The following SERINC5 variants were observed in gnomAD, a reference collection of about 807,000 sequenced individuals.
SERINC5 encodes chromosome 5 open reading frame 12.
SERINC5 carries 41 observed loss-of-function variants against 63.1 expected under a neutral mutation model. The observed-to-expected ratio is 0.65, with a 90% CI of 0.51 to 0.84. SERINC5 has a LOEUF of 0.84. Ranked by LOEUF, SERINC5 falls within the 40% of genes least tolerant of loss-of-function variation. The pLI, the probability that SERINC5 is intolerant of heterozygous loss-of-function variation, is 0.00. For missense variants in SERINC5, 523 were observed against 573.0 expected (o/e 0.91, Z 0.89); for synonymous variants, 222 against 215.2 (o/e 1.03, Z -0.28).
intron 7 of SERINC5, among the ~76,000 whole-genome samples, chr5:80,161,053 T>C (rs1746889937): frequency 6.6e-6 from 1 of 151,404 alleles, no homozygotes; most frequent in Non-Finnish European, 1.5e-5. Context: ...TATATATGTA[T>C]GTATGTATAT....
chr5:80,124,214 C>T (rs1261277153), intron 11 of SERINC5, among the ~76,000 whole-genome samples: 6 of 152,150 alleles, frequency 3.9e-5, no homozygotes, highest in Non-Finnish European at 8.8e-5. Context: ...TAATTTTTGC[C>T]CCTACCTCCA....
chr5:80,220,220 T>A (rs140212726), intron 1 of SERINC5, among the ~76,000 whole-genome samples: 18 of 79,074 alleles, frequency 2.3e-4, no homozygotes, highest in African/African-American at 1.6e-4. Context: ...TAAATAAAAA[T>A]AAAAAAAAAA....
At chr5:80,255,142 T>G (rs909001927) in intron 1 of SERINC5, 1 of 152,234 alleles carries the variant, frequency 6.6e-6, no homozygotes, top group Non-Finnish European at 1.5e-5. Flanking sequence ...GGCTAAGACG[T>G]ACTAATTCTA....
At chr5:80,255,178 CAT>C (rs1216495567) in intron 1 of SERINC5, 1 of 152,222 alleles carries the variant, frequency 6.6e-6, no homozygotes, top group South Asian at 2.1e-4. Flanking sequence ...TGGTAGGAGA[CAT>C]AATGTTTTAA....
intron 1 of SERINC5, among the ~76,000 whole-genome samples, chr5:80,220,942 T>A (rs1187404119): frequency 2.0e-5 from 3 of 151,762 alleles, no homozygotes; most frequent in Non-Finnish European, 4.4e-5. Flanking sequence ...TTGAGCAGCG[T>A]GGATGAGGGA....
intron 4 of SERINC5, 59 bp downstream of exon 4, chr5:80,177,256 C>T (rs942437064): frequency 8.0e-6 from 10 of 1,252,054 alleles, no homozygotes; most frequent in African/African-American, 1.5e-5. Flanking sequence ...CGCTTCTGAG[C>T]AATTTGACAA....
intron 1 of SERINC5, among the ~76,000 whole-genome samples, chr5:80,245,790 T>G (rs1054446927): frequency 2.0e-5 from 3 of 151,752 alleles, no homozygotes; most frequent in Non-Finnish European, 4.4e-5. Flanking sequence ...AATTTTTGTA[T>G]TTTTAGTAGA....
chr5:80,197,351 G>T (rs1032087225), intron 2 of SERINC5, among the ~76,000 whole-genome samples: 2 of 48,432 alleles, frequency 4.1e-5, no homozygotes, highest in African/African-American at 1.7e-4. Context: ...GAGAGAGAGA[G>T]AGAGAGAGAG....
chr5:80,120,476 C>G (rs902257018), intron 11 of SERINC5, among the ~76,000 whole-genome samples: 1 of 152,082 alleles, frequency 6.6e-6, no homozygotes, highest in South Asian at 2.1e-4. Flanking sequence ...CTTCTGCAAA[C>G]GAGAAATAAG....
At position 80,139,181 on chromosome 5, in the gene SERINC5, T is replaced by C. The variant is rs1458875841; in HGVS notation, c.*4482A>G. ...GCTACAGCTAATCGTTTCAGAAAAG[T>C]TTAAAAAATTAGCAAAGTTATATCT... is the stretch of plus-strand genomic sequence containing the variant. On this transcript the variant is annotated 3_prime_UTR_variant, in exon 12 of 12. Coordinates refer to ENST00000507668, the MANE Select transcript of SERINC5 (RefSeq NM_001174072.3). 5 of 984,164 alleles carry C rather than the reference T, an allele frequency of 5.1e-6. No homozygotes were observed. The highest frequency in any genetic ancestry group is 6.0e-6 in the Non-Finnish European group (5 of 828,916). The allele number at this position is 984,164 out of a possible 1,614,324, so 61.0% of individuals were successfully genotyped here.
chr5:80,252,052 CTTTT>C, intron 1 of SERINC5, among the ~76,000 whole-genome samples: 1 of 135,474 alleles, frequency 7.4e-6, no homozygotes, highest in African/African-American at 2.7e-5. Flanking sequence ...ATTTTCTTTT[CTTTT>C]CCTTTTTTTT....
intron 1 of SERINC5, among the ~76,000 whole-genome samples, chr5:80,205,472 TAATG>T (rs1750109786): frequency 6.6e-6 from 1 of 152,032 alleles, no homozygotes; most frequent in African/African-American, 2.4e-5. Flanking sequence ...TTGTAGGAAA[TAATG>T]AGAGTATGTA....
chr5:80,243,221 A>G (rs1198907173), intron 1 of SERINC5, among the ~76,000 whole-genome samples: 1 of 152,168 alleles, frequency 6.6e-6, no homozygotes, highest in Non-Finnish European at 1.5e-5. Context: ...CTAATTCCCT[A>G]TAGTAAATCT....
intron 2 of SERINC5, among the ~76,000 whole-genome samples, chr5:80,197,244 G>C (rs368493807): frequency 1.6e-4 from 25 of 151,938 alleles, no homozygotes; most frequent in African/African-American, 6.0e-4. Flanking sequence ...AGCTACTCGG[G>C]AGGCTGAAGC....
At chr5:80,249,958 T>C (rs538033613) in intron 1 of SERINC5, among the ~76,000 whole-genome samples, 77 of 152,178 alleles carry the variant, frequency 5.1e-4, no homozygotes, top group Non-Finnish European at 1.0e-3. Flanking sequence ...ATGGAAATAA[T>C]GAATTTTTGT....
At position 80,114,569 on chromosome 5, in the gene SERINC5, G is replaced by A. The variant is rs6873707; in HGVS notation, c.1239-944C>T. On this transcript the variant is annotated intron_variant, in intron 11 of 12. Transcript: ENST00000509193. Reference sequence around the variant, plus strand: ...CTTGGGAGGCTGAGGCAAGAGAATCGCTTGACATCTGGGAGGTGGAGGTTG... The same window carrying A: ...CTTGGGAGGCTGAGGCAAGAGAATCACTTGACATCTGGGAGGTGGAGGTTG... The A allele has an allele frequency of 2.0e-3, 346 of 174,392 alleles. 3 individuals are homozygous for A. The highest frequency in any genetic ancestry group is 7.7e-3 in the African/African-American group (316 of 40,984). The allele number at this position is 174,392 out of a possible 1,614,324, so 10.8% of individuals were successfully genotyped here.
downstream of SERINC5, among the ~76,000 whole-genome samples, chr5:80,137,158 A>AAC (rs1554058510): frequency 9.5e-6 from 1 of 104,818 alleles, no homozygotes; most frequent in Non-Finnish European, 2.1e-5. Context: ...AAAAAAAAAA[A>AAC]AAAAACAAAA....
chr5:80,142,190 G>A lies in SERINC5; in HGVS notation c.*1473C>T. On this transcript the variant is annotated 3_prime_UTR_variant, in exon 12 of 12. Transcript: ENST00000507668. ...TTTCCACCAAGTAAACCTTTTCCCTGCCTGAATACATCAACACTGAAAATA... is the reference window on the plus strand; with the variant it reads ...TTTCCACCAAGTAAACCTTTTCCCTACCTGAATACATCAACACTGAAAATA... 3.0e-6 allele frequency: 3 copies of A among 985,304 alleles called. No individual in the cohort carries two copies. The highest frequency in any genetic ancestry group is 3.6e-6 in the Non-Finnish European group (3 of 829,878). The allele number at this position is 985,304 out of a possible 1,614,324, so 61.0% of individuals were successfully genotyped here.
intron 1 of SERINC5, among the ~76,000 whole-genome samples, chr5:80,236,527 C>CTT (rs770470139): frequency 5.0e-4 from 72 of 143,700 alleles, no homozygotes; most frequent in African/African-American, 1.4e-3. Context: ...AGTCCTAAAT[C>CTT]TTTTTTTTTT....
Sources: allele counts gnomAD v4.1 joint callset (sites outside exome capture counted in the v4.1 genomes callset), GRCh38; gene constraint gnomAD v4.1.1; transcripts MANE v1.5; gene names NCBI Gene and HGNC (gene_info 2026-07-23, HGNC 2026-07-21).